Variants in LPCAT3 observed in about 807,000 individuals in gnomAD.
The protein encoded by LPCAT3 is lysophosphatidylcholine acyltransferase 3.
In LPCAT3, 21 loss-of-function variants were observed where a neutral mutation model predicts 63.4. The observed-to-expected ratio is 0.33, with a 90% CI of 0.23 to 0.48. The LOEUF (loss-of-function observed/expected upper bound fraction) is 0.48. Ranked by LOEUF, LPCAT3 falls within the 20% of genes least tolerant of loss-of-function variation. LPCAT3 has a pLI of 0.99. For synonymous variants in LPCAT3, 242 were observed against 227.5 expected (o/e 1.06, Z -0.58); for missense variants, 451 against 590.6 (o/e 0.76, Z 2.45).
At position 6,982,797 on chromosome 12, in the gene LPCAT3, A is replaced by G. The variant is rs146701699; in HGVS notation, c.260-15T>C. The stretch of plus-strand genomic sequence containing the variant: ...GAGCTGGTTTCCTGGATGCAAGAAG[A>G]GAGAATTTAGCCTGGTTTTTACACT... On this transcript the variant is annotated splice_polypyrimidine_tract_variant and intron_variant, in intron 2 of 12. Coordinates refer to ENST00000261407, the MANE Select transcript of LPCAT3 (RefSeq NM_005768.6). The G allele has an allele frequency of 2.8e-4, 445 of 1,568,656 alleles. No individual in the cohort carries two copies. The highest frequency in any genetic ancestry group is 2.5e-4 in the Non-Finnish European group (288 of 1,139,424).
chr12:6,994,917 C>G (rs1723029674), intron 1 of LPCAT3, among the ~76,000 whole-genome samples: 1 of 152,216 alleles, frequency 6.6e-6, no homozygotes, highest in Non-Finnish European at 1.5e-5. Flanking sequence ...TCTTGCTACA[C>G]TGCTTCTTTG....
chr12:6,979,388 TCTC>T, intron 7 of LPCAT3, 80 bp downstream of exon 7: 1 of 1,010,650 alleles, frequency 9.9e-7, no homozygotes, highest in South Asian at 1.3e-5. Flanking sequence ...ATTTCCTACT[TCTC>T]TGCTATCTGT....
chr12:7,016,163 G>A (rs1186661844), intron 1 of LPCAT3, among the ~76,000 whole-genome samples: 2 of 148,480 alleles, frequency 1.3e-5, no homozygotes, highest in Non-Finnish European at 3.0e-5. Context: ...GTGGTGCCAC[G>A]GCTCACTGTA....
chr12:6,995,346 T>C (rs782207983), intron 1 of LPCAT3, among the ~76,000 whole-genome samples: 27 of 152,026 alleles, frequency 1.8e-4, no homozygotes, highest in East Asian at 7.7e-4. Flanking sequence ...TGGTGGTGCA[T>C]GCCTGTAATC....
Position 6,976,283 on chromosome 12 carries a change from G to C in LPCAT3, c.*621C>G, listed in dbSNP as rs1310356649. 6.5e-6 allele frequency: 1 copy of C among 154,110 alleles called. No individual in the cohort carries two copies. 9.5% of individuals were successfully genotyped at this position (154,110 alleles called of 1,614,324 possible). On this transcript the variant is annotated 3_prime_UTR_variant, in exon 13 of 13. Coordinates refer to ENST00000261407, the MANE Select transcript of LPCAT3 (RefSeq NM_005768.6). ...TTGCACCCCTCTCCACCCCCCCATG[G>C]GGGGGGTGGTGGTAGCGGCACATAC...
chr12:6,992,352 A>C (rs1555155590), intron 1 of LPCAT3, among the ~76,000 whole-genome samples: 3 of 151,524 alleles, frequency 2.0e-5, no homozygotes, highest in Non-Finnish European at 1.5e-5. Context: ...AAAATTTACC[A>C]CTTCATCAAC....
intron 12 of LPCAT3, 44 bp from the exon 13 acceptor site, chr12:6,976,935 T>C: frequency 1.9e-6 from 1 of 535,266 alleles, no homozygotes; most frequent in South Asian, 2.2e-5. Flanking sequence ...GTTACTCCTG[T>C]AATTCCTGGT....
intron 1 of LPCAT3, among the ~76,000 whole-genome samples, chr12:7,003,363 T>G (rs1480418312): frequency 3.3e-5 from 5 of 151,834 alleles, no homozygotes; most frequent in African/African-American, 1.2e-4. Flanking sequence ...GGGTGAGTTT[T>G]TTTTTTTTTT....
intron 1 of LPCAT3, among the ~76,000 whole-genome samples, chr12:7,008,092 A>G (rs1373295015): frequency 4.6e-5 from 7 of 152,080 alleles, no homozygotes; most frequent in African/African-American, 1.4e-4. Flanking sequence ...AGGAACTTAC[A>G]CCATCAGTCC....
At position 7,018,202 on chromosome 12, in the gene LPCAT3, G is replaced by A. The variant is rs1480339671; in HGVS notation, c.151+72C>T. ...CCGGGTGGCTCCGGGAAGAGAGGGA[G>A]GTCCTGTCCCCATTCCTCCCCTACT... On this transcript the variant is annotated intron_variant, in intron 1 of 12. Transcript: ENST00000261407. This position sits in a 1 kb window ranked among gnomAD's most constrained non-coding sequence, Gnocchi z 4.9. The A allele has an allele frequency of 2.0e-6, 3 of 1,534,446 alleles. No individual in the cohort carries two copies. Among genetic ancestry groups the A allele is most frequent in the East Asian group, 4.9e-5 (2 of 41,132 alleles).
chr12:6,988,955 C>T lies in LPCAT3; in HGVS notation c.152-5416G>A, dbSNP rs1946559120. 3.9e-5 allele frequency among the ~76,000 whole-genome samples: 6 copies of T among 152,052 alleles called. No individual in the cohort carries two copies. In the South Asian group the frequency reaches 1.2e-3, roughly 32 times the overall value. ...TAGCCTCAACATGGAGAAACCCTGT[C>T]TCTACTAAAAAAAATACAAAATTAG... On this transcript the variant is annotated intron_variant, in intron 1 of 12. Transcript: ENST00000261407.
chr12:7,018,379 C>G lies in LPCAT3; in HGVS notation c.46G>C (p.Ala16Pro). Residue 16 changes from alanine (A) to proline (P), a missense_variant, in exon 1 of 13, where the codon GCG (alanine) becomes CCG (proline). Physicochemically the swap from Ala to Pro is conservative, Grantham distance 27 (BLOSUM62 -1). Around this residue, in one of 3 missense-constraint regions of LPCAT3, gnomAD observed 133 missense variants for 152.1 expected, o/e 0.87. Transcript: ENST00000261407. This position sits in a 1 kb window ranked among gnomAD's most constrained non-coding sequence, Gnocchi z 4.9. Reference protein sequence around the residue: ...EGDEGTVVALAGVLQSGFQEL... With the variant: ...EGDEGTVVALPGVLQSGFQEL... ...TGGAAACCCGACTGCAGAACCCCCG[C>G]CAGCGCCACCACAGTCCCCTCGTCC... is the stretch of plus-strand genomic sequence containing the variant. 1 of 1,612,416 alleles carries G rather than the reference C, an allele frequency of 6.2e-7. No individual in the cohort carries two copies. Among genetic ancestry groups the G allele is most frequent in the Middle Eastern group, 1.7e-4 (1 of 6,052 alleles).
chr12:7,004,095 A>G (rs1946709673), intron 1 of LPCAT3, among the ~76,000 whole-genome samples: 1 of 152,196 alleles, frequency 6.6e-6, no homozygotes, highest in Admixed American at 6.5e-5. Flanking sequence ...ACTCTACACT[A>G]TATTTGTGAA....
chr12:7,011,303 T>C (rs1946762572), intron 1 of LPCAT3, among the ~76,000 whole-genome samples: 1 of 152,200 alleles, frequency 6.6e-6, no homozygotes, highest in African/African-American at 2.4e-5. Flanking sequence ...CCCAAAGTGC[T>C]GGGGTTACAG....
chr12:6,990,162 A>G (rs782305550), intron 1 of LPCAT3, among the ~76,000 whole-genome samples: 2 of 151,624 alleles, frequency 1.3e-5, no homozygotes, highest in Middle Eastern at 3.4e-3. Context: ...TGGGCAACAA[A>G]GTTGTTTTTT....
intron 1 of LPCAT3, among the ~76,000 whole-genome samples, chr12:7,014,714 G>A (rs1203922832): frequency 6.6e-6 from 1 of 151,976 alleles, no homozygotes; most frequent in Admixed American, 6.6e-5. Flanking sequence ...AGCCAACATG[G>A]TGAAACCCCG....
rs904839048 is a variant in LPCAT3, at chr12:6,981,382, G to T, written c.499-200C>A. The T allele has an allele frequency of 1.9e-5, 13 of 674,066 alleles. No individual in the cohort carries two copies. The African/African-American group carries it at 2.3e-4, about 12-fold the overall frequency. The allele number at this position is 674,066 out of a possible 1,614,324, so 41.8% of individuals were successfully genotyped here. ...CTGTTGCTGCTTTAGCAAATGCCTT[G>T]CTGGCATTGATCTCTGGACTTTGTG... is the stretch of plus-strand genomic sequence containing the variant. On this transcript the variant is annotated intron_variant, in intron 5 of 12. Transcript: ENST00000261407.
At chr12:6,994,124 C>A (rs60834108) in intron 1 of LPCAT3, among the ~76,000 whole-genome samples, 10,233 of 152,196 alleles carry the variant, frequency 0.067, 440 homozygotes, top group African/African-American at 0.098. Context: ...GGTATGAGCC[C>A]ATGTACAAGT....
In LPCAT3 at chr12:6,976,382, A is replaced by G. The variant is rs1946400799; in HGVS notation, c.*522T>C. The stretch of plus-strand genomic sequence containing the variant: ...GATGGGGAGAGATAAGGCAATGTGC[A>G]TGGGGGAATCAGAGGGGAGATGTGA... On this transcript the variant is annotated 3_prime_UTR_variant, in exon 13 of 13. Coordinates refer to ENST00000261407, the MANE Select transcript of LPCAT3 (RefSeq NM_005768.6). 1 of 153,830 alleles carries G rather than the reference A, an allele frequency of 6.5e-6. No individual in the cohort carries two copies. Among genetic ancestry groups the G allele is most frequent in the African/African-American group, 2.4e-5 (1 of 41,464 alleles). 9.5% of individuals were successfully genotyped at this position (153,830 alleles called of 1,614,324 possible). A position where few individuals can be genotyped will look rare whatever the true frequency, so the allele number is the denominator to read the frequency against.
Sources: gnomAD v4.1 joint callset for allele counts (sites outside exome capture counted in the v4.1 genomes callset) on GRCh38, gnomAD v4.1.1 for gene constraint, gnomAD v4.1.1 regional missense constraint, Gnocchi (gnomAD v3.1) non-coding constraint, MANE v1.5 for transcripts, NCBI Gene and HGNC (gene_info 2026-07-23, HGNC 2026-07-21) for gene names.